The following SH3D19 variants were observed in gnomAD, a reference collection of about 807,000 sequenced individuals.
SH3D19 encodes SH3 domain containing 19.
SH3D19 carries 58 observed loss-of-function variants against 112.1 expected under a neutral mutation model. That is an observed-to-expected ratio of 0.52 (90% CI 0.42 to 0.64). The LOEUF (loss-of-function observed/expected upper bound fraction) is 0.64. SH3D19 is among the 30% of genes least tolerant of loss of function. SH3D19 has a pLI of 0.00. For missense variants in SH3D19, 1,090 were observed against 1,263.4 expected, an observed-to-expected ratio of 0.86 and a Z score of 2.08; for synonymous variants, 391 against 448.5, an observed-to-expected ratio of 0.87 and a Z score of 1.62.
intron 8 of SH3D19, among the ~76,000 whole-genome samples, chr4:151,160,287 C>T (rs374488590): frequency 3.9e-5 from 6 of 152,084 alleles, no homozygotes; most frequent in African/African-American, 7.2e-5. Flanking sequence ...CGGGGTTTCA[C>T]CGTGTTAGCC....
At chr4:151,255,230 C>G (rs540139614) in intron 1 of SH3D19, among the ~76,000 whole-genome samples, 62 of 146,044 alleles carry the variant, frequency 4.2e-4, no homozygotes, top group Middle Eastern at 4.0e-3. Context: ...ACTTCTCAGA[C>G]GGGGCGGCTG....
At chr4:151,247,943 G>A (rs562586831) in intron 1 of SH3D19, among the ~76,000 whole-genome samples, 20 of 152,198 alleles carry the variant, frequency 1.3e-4, no homozygotes, top group South Asian at 1.2e-3. Flanking sequence ...TATGATCAGC[G>A]CTGAGACTTC....
chr4:151,199,275 T>A (rs1764042048), intron 2 of SH3D19, among the ~76,000 whole-genome samples: 1 of 152,158 alleles, frequency 6.6e-6, no homozygotes, highest in Admixed American at 6.6e-5. Context: ...GACTACAGAC[T>A]CTGAGTCTGA....
chr4:151,211,920 C>T (rs141942833), intron 2 of SH3D19, among the ~76,000 whole-genome samples: 109 of 152,294 alleles, frequency 7.2e-4, no homozygotes, highest in Middle Eastern at 3.4e-3. Context: ...AAAGCTGCAG[C>T]AAGTTATCCA....
chr4:151,291,517 T>A, intron 1 of SH3D19: 1 of 1,243,260 alleles, frequency 8.0e-7, no homozygotes, highest in Non-Finnish European at 1.1e-6. Context: ...ATTTTGTTTT[T>A]AAGGTTTTTG....
intron 1 of SH3D19, among the ~76,000 whole-genome samples, chr4:151,258,987 G>A (rs757096573): frequency 2.0e-5 from 3 of 152,064 alleles, no homozygotes; most frequent in Non-Finnish European, 2.9e-5. Context: ...TTCAGACTAG[G>A]AAAGGCTGCA....
At chr4:151,252,039 G>A (rs1771451169) in intron 1 of SH3D19, among the ~76,000 whole-genome samples, 1 of 152,168 alleles carries the variant, frequency 6.6e-6, no homozygotes, top group Non-Finnish European at 1.5e-5. Context: ...CTTTGTTCCT[G>A]TGTAGGAAAA....
At chr4:151,203,664 G>A (rs1252964559) in intron 2 of SH3D19, among the ~76,000 whole-genome samples, 4 of 152,156 alleles carry the variant, frequency 2.6e-5, no homozygotes, top group African/African-American at 4.8e-5. Context: ...AAATCAAAAT[G>A]TTTCAAATAA....
At chr4:151,265,873 C>G (rs1373749599) in intron 1 of SH3D19, among the ~76,000 whole-genome samples, 11 of 152,130 alleles carry the variant, frequency 7.2e-5, no homozygotes, top group Admixed American at 7.2e-4. Flanking sequence ...GTGTGAGCCA[C>G]AGCGCCTGGC....
At chr4:151,139,636 A>G in intron 13 of SH3D19, 139 bp downstream of exon 13, 2 of 681,766 alleles carry the variant, frequency 2.9e-6, no homozygotes, top group East Asian at 2.7e-5. Flanking sequence ...GGAGTCCTGG[A>G]TAAGATGACC....
chr4:151,130,330 C>T (rs1750358121), intron 17 of SH3D19, among the ~76,000 whole-genome samples: 1 of 151,960 alleles, frequency 6.6e-6, no homozygotes, highest in African/African-American at 2.4e-5. Flanking sequence ...ATCCCAGCTA[C>T]TTAGGAGGCT....
intron 9 of SH3D19, among the ~76,000 whole-genome samples, chr4:151,154,256 C>T (rs549770626): frequency 3.9e-5 from 6 of 152,132 alleles, no homozygotes; most frequent in Non-Finnish European, 7.4e-5. Flanking sequence ...CCTCAGCCTC[C>T]CGAGTAGCTG....
chr4:151,323,751 C>T (rs1730772349), intron 1 of SH3D19, among the ~76,000 whole-genome samples: 2 of 152,162 alleles, frequency 1.3e-5, no homozygotes, highest in Non-Finnish European at 2.9e-5. Flanking sequence ...AAACTAATTA[C>T]AAAATGTCAT....
chr4:151,151,360 A>G (rs1298988869), intron 9 of SH3D19, among the ~76,000 whole-genome samples: 4 of 151,804 alleles, frequency 2.6e-5, no homozygotes, highest in African/African-American at 9.7e-5. Flanking sequence ...CCAAAACTTC[A>G]TAAGAAAAAA....
At chr4:151,151,150 G>A (rs1028862911) in intron 9 of SH3D19, among the ~76,000 whole-genome samples, 3 of 151,864 alleles carry the variant, frequency 2.0e-5, no homozygotes, top group Non-Finnish European at 2.9e-5. Context: ...CAGTAGAGAC[G>A]ACGTTTCACC....
At chr4:151,297,241 G>A (rs776851249) in intron 1 of SH3D19, among the ~76,000 whole-genome samples, 7 of 152,204 alleles carry the variant, frequency 4.6e-5, no homozygotes, top group Non-Finnish European at 1.0e-4. Context: ...TTGCCTTCCA[G>A]GATAATTATC....
chr4:151,198,371 TA>T (rs999157209), intron 2 of SH3D19, among the ~76,000 whole-genome samples: 1 of 65,716 alleles, frequency 1.5e-5, no homozygotes, highest in Non-Finnish European at 4.2e-5. Context: ...TTATATTATA[TA>T]AAAATTATAT....
rs374268410 is a variant in SH3D19 at position 151,207,166 on chromosome 4, A to G, written c.152+18881T>C. ...ACTGGAGGCTTGGGAGGCAGTTCTC[A>G]GGGATGCATGAGATAAGATTTAGTA... On this transcript the variant is annotated intron_variant, in intron 2 of 19. Coordinates refer to ENST00000604030, the MANE Select transcript of SH3D19 (RefSeq NM_001378122.1). Among the ~76,000 whole-genome samples the G allele has an allele frequency of 3.9e-5, 6 of 152,292 alleles. No homozygotes were observed. The East Asian group carries it at 1.2e-3, about 29-fold the overall frequency.
chr4:151,226,083 C>T lies in SH3D19; in HGVS notation c.116G>A (p.Arg39His), dbSNP rs371652018. 6,014 of 1,231,558 alleles carry T rather than the reference C, an allele frequency of 4.9e-3. 579 individuals are homozygous for T. The South Asian group carries it at 0.21, about 43-fold the overall frequency. 76.3% of individuals were successfully genotyped at this position (1,231,558 alleles called of 1,614,324 possible). ...RALSGHSAAD[R>H]NERNKPEHRS... is the part of the protein sequence containing the mutation. Reference sequence around the variant, plus strand: ...ATGTTCTGGTTTATTTCGTTCGTTGCGATCTGTAGAGAAAGAAGATGGTTA... The same window carrying T: ...ATGTTCTGGTTTATTTCGTTCGTTGTGATCTGTAGAGAAAGAAGATGGTTA... Residue 39 changes from arginine to histidine, a missense_variant, in exon 2 of 20, where the codon CGC becomes CAC. Transcript: ENST00000604030.
Sources: gnomAD v4.1 joint callset for allele counts (sites outside exome capture counted in the v4.1 genomes callset) on GRCh38, gnomAD v4.1.1 for gene constraint, MANE v1.5 for transcripts, NCBI Gene and HGNC (gene_info 2026-07-23, HGNC 2026-07-21) for gene names.